SLCO3A1: variants seen among roughly 807,000 people sequenced by gnomAD.
SLCO3A1 encodes solute carrier organic anion transporter family member 3A1.
In SLCO3A1, 27 loss-of-function variants were observed where a neutral mutation model predicts 63.1. The observed-to-expected ratio is 0.43, with a 90% confidence interval of 0.32 to 0.59. The LOEUF is 0.59. Ranked by LOEUF, SLCO3A1 falls within the 20% of genes least tolerant of loss-of-function variation. The pLI is 0.09. For missense variants in SLCO3A1, 773 were observed against 945.8 expected (o/e 0.82, Z 2.40); for synonymous variants, 473 against 409.9 (o/e 1.15, Z -1.86).
intron 1 of SLCO3A1, among the ~76,000 whole-genome samples, chr15:91,904,036 AGAGGGATCTGTGTTCAGCGGGAGGGAG>A (rs1898229217): frequency 1.7e-5 from 1 of 58,352 alleles, no homozygotes. Context: ...TGGGTCGGGT[AGAGGGATCTGTGTTCAGCGGGAGGGAG>A]GGCCACGCTT....
intron 1 of SLCO3A1, among the ~76,000 whole-genome samples, chr15:91,858,754 C>T (rs1896983630): frequency 6.6e-6 from 1 of 152,244 alleles, no homozygotes; most frequent in Admixed American, 6.5e-5. Context: ...TGGTGAACTG[C>T]TGGGCAAAGG....
At chr15:92,142,663 C>T (rs1215332053) in intron 7 of SLCO3A1, among the ~76,000 whole-genome samples, 1 of 152,200 alleles carries the variant, frequency 6.6e-6, no homozygotes, top group Non-Finnish European at 1.5e-5. Context: ...CAGCTTAACC[C>T]TGCTGTCTGC....
chr15:91,984,915 TCA>T (rs1484738296), intron 2 of SLCO3A1, among the ~76,000 whole-genome samples: 1 of 152,174 alleles, frequency 6.6e-6, no homozygotes, highest in Non-Finnish European at 1.5e-5. Context: ...TATCTTCAAC[TCA>T]CACTTTTTTT....
At chr15:92,034,681 TAG>T (rs2046701161) in intron 2 of SLCO3A1, among the ~76,000 whole-genome samples, 1 of 151,620 alleles carries the variant, frequency 6.6e-6, no homozygotes, top group Non-Finnish European at 1.5e-5. Flanking sequence ...GTTCCCAAAG[TAG>T]AGGATGGATC....
At chr15:91,939,715 G>A (rs536995434) in intron 2 of SLCO3A1, among the ~76,000 whole-genome samples, 8 of 152,116 alleles carry the variant, frequency 5.3e-5, no homozygotes, top group East Asian at 3.9e-4. Flanking sequence ...ACTCTTTCCC[G>A]TCAGTCTTTG....
intron 2 of SLCO3A1, among the ~76,000 whole-genome samples, chr15:92,000,318 C>A (rs191541812): frequency 6.6e-6 from 1 of 151,752 alleles, no homozygotes; most frequent in Non-Finnish European, 1.5e-5. Context: ...GAACAATATC[C>A]TCTGGGAAGG....
intron 8 of SLCO3A1, among the ~76,000 whole-genome samples, chr15:92,150,423 C>G (rs2048289539): frequency 2.6e-5 from 4 of 152,174 alleles, no homozygotes; most frequent in Admixed American, 1.3e-4. Context: ...TTAACCATCA[C>G]AGTGCTGGAA....
intron 7 of SLCO3A1, among the ~76,000 whole-genome samples, chr15:92,135,041 C>T (rs1284022719): frequency 1.3e-5 from 2 of 152,276 alleles, no homozygotes. Context: ...AGGCTTTCAT[C>T]ATGAAGGGTA....
intron 3 of SLCO3A1, among the ~76,000 whole-genome samples, chr15:92,097,607 C>A (rs1427773274): frequency 6.6e-6 from 1 of 152,178 alleles, no homozygotes; most frequent in Non-Finnish European, 1.5e-5. Context: ...TCCTTTCAGT[C>A]CCGTGTGGGC....
At chr15:91,944,053 T>A (rs7164216) in intron 2 of SLCO3A1, among the ~76,000 whole-genome samples, 99,297 of 152,096 alleles carry the variant, frequency 0.65, 33,211 homozygotes, top group East Asian at 0.97. Context: ...TTGTCTGATA[T>A]AATTACTAGC....
In SLCO3A1 at chr15:91,860,162, G is replaced by T. The variant is rs557030794; in HGVS notation, c.180+6074G>T. ...AAAGCAGGGCAGGCAGGACTGGCTGGGCGGGGCAGGTACCCTGATGCTTCA... is the reference window on the plus strand; with the variant it reads ...AAAGCAGGGCAGGCAGGACTGGCTGTGCGGGGCAGGTACCCTGATGCTTCA... On this transcript the variant is annotated intron_variant, in intron 1 of 9. Transcript: ENST00000318445. This position sits in a 1 kb window ranked among gnomAD's most constrained non-coding sequence, Gnocchi z 5.5. Among the ~76,000 whole-genome samples, 61 of 152,304 alleles carry T rather than the reference G, an allele frequency of 4.0e-4. No individual in the cohort carries two copies. Among genetic ancestry groups the T allele is most frequent in the African/African-American group, 1.4e-3 (59 of 41,572 alleles).
intron 7 of SLCO3A1, among the ~76,000 whole-genome samples, chr15:92,132,315 T>C (rs1228930326): frequency 6.9e-6 from 1 of 145,880 alleles, no homozygotes; most frequent in Admixed American, 6.8e-5. Context: ...TATTAAACTT[T>C]TCTTCCTGCT....
At chr15:91,927,954 G>A (rs1899089951) in intron 2 of SLCO3A1, among the ~76,000 whole-genome samples, 1 of 152,190 alleles carries the variant, frequency 6.6e-6, no homozygotes, top group Admixed American at 6.5e-5. Flanking sequence ...GGGGCAAAGA[G>A]CCTTCTCTTC....
chr15:91,942,057 T>C lies in SLCO3A1; in HGVS notation c.646+25599T>C, dbSNP rs2151400936. On this transcript the variant is annotated intron_variant, in intron 2 of 9. Transcript: ENST00000318445. The surrounding 1 kb of genome is among the most constrained non-coding windows in gnomAD (Gnocchi z 4.1). The stretch of plus-strand genomic sequence containing the variant: ...AGCTTAATTTATTCAATTTAGAGTC[T>C]TGTTCTTTATTCTAGACAATGCCAC... Among the ~76,000 whole-genome samples, 1 of 152,344 alleles carries C rather than the reference T, an allele frequency of 6.6e-6. No individual in the cohort carries two copies. The highest frequency in any genetic ancestry group is 2.4e-5 in the African/African-American group (1 of 41,574).
At chr15:91,931,788 AACACACACACACGCACACACAC>A (rs1899239528) in intron 2 of SLCO3A1, among the ~76,000 whole-genome samples, 3 of 144,216 alleles carry the variant, frequency 2.1e-5, no homozygotes, top group Admixed American at 2.1e-4. Context: ...TAAGTGTGGA[AACACACACACACGCACACACAC>A]ACACACACAC....
At chr15:91,889,438 C>T (rs1194462565) in intron 1 of SLCO3A1, among the ~76,000 whole-genome samples, 2 of 152,292 alleles carry the variant, frequency 1.3e-5, no homozygotes, top group East Asian at 1.9e-4. Flanking sequence ...TGGTAGTGGG[C>T]AGTAAGATGT....
intron 2 of SLCO3A1, among the ~76,000 whole-genome samples, chr15:92,077,673 A>G (rs12595573): frequency 0.069 from 10,558 of 152,280 alleles, 837 homozygotes; most frequent in East Asian, 0.27. Flanking sequence ...TCCCAAGTAG[A>G]GGCCCCATGC....
At chr15:92,100,710 A>G (rs2047595442) in intron 3 of SLCO3A1, among the ~76,000 whole-genome samples, 1 of 152,166 alleles carries the variant, frequency 6.6e-6, no homozygotes, top group African/African-American at 2.4e-5. Flanking sequence ...GTGGATTTCT[A>G]TTTCCTAAAC....
chr15:92,109,267 G>A (rs2047701186), intron 4 of SLCO3A1, among the ~76,000 whole-genome samples: 1 of 152,156 alleles, frequency 6.6e-6, no homozygotes, highest in Admixed American at 6.5e-5. Context: ...TCCAGTGTCT[G>A]TCTTTTTAAC....
Sources: gnomAD v4.1 joint callset for allele counts (sites outside exome capture counted in the v4.1 genomes callset) on GRCh38, gnomAD v4.1.1 for gene constraint, Gnocchi (gnomAD v3.1) non-coding constraint, MANE v1.5 for transcripts, NCBI Gene and HGNC (gene_info 2026-07-23, HGNC 2026-07-21) for gene names.